The following NCOR2 variants were observed in gnomAD, a reference collection of about 807,000 sequenced individuals.
NCOR2 encodes CTG repeat protein 26.
In NCOR2, 81 loss-of-function variants were observed where a neutral mutation model predicts 262.9. The ratio of observed to expected loss-of-function variants is 0.31; its 90% CI spans 0.26 to 0.37. NCOR2 has a LOEUF of 0.37. NCOR2 is among the 10% of genes least tolerant of loss of function. The probability of loss-of-function intolerance (pLI) is 1.00; values close to 1 mark genes in which losing one functional copy is unlikely to be tolerated. For missense variants in NCOR2, 3,385 were observed against 3,621.4 expected (o/e 0.93, Z 1.68); for synonymous variants, 1,659 against 1,559.3 (o/e 1.06, Z -1.51).
Position 124,487,430 on chromosome 12 carries a change from A to G in NCOR2, c.106-862T>C, listed in dbSNP as rs369380066. On this transcript the variant is annotated intron_variant, in intron 1 of 46. Transcript: ENST00000405201. ...TTAATAACACACCGTCGTCCATTTG[A>G]CAAAGACTCTCCTTGCCCACACCTG... Among the ~76,000 whole-genome samples, 13 of 152,368 alleles carry G rather than the reference A, an allele frequency of 8.5e-5. No homozygotes were observed. The South Asian group carries it at 1.9e-3, about 22-fold the overall frequency.
At chr12:124,551,345 A>T (rs558295218) in intron 1 of NCOR2, among the ~76,000 whole-genome samples, 1 of 152,308 alleles carries the variant, frequency 6.6e-6, no homozygotes, top group East Asian at 1.9e-4. Flanking sequence ...CCCAGTAGCA[A>T]ACAGGAGAGC....
rs1566049959 is a variant in NCOR2 at position 124,548,638 on chromosome 12, T to A, written c.-164-13027A>T. On this transcript the variant is annotated intron_variant, in intron 1 of 32. Transcript: ENST00000458234. The surrounding 1 kb of genome is among the most constrained non-coding windows in gnomAD (Gnocchi z 5.1). ...AATAACAGCATATTATCTTTACTGT[T>A]CCTGTTATTTTTTTCTGTGCTGTTA... Among the ~76,000 whole-genome samples, 1 of 152,114 alleles carries A rather than the reference T, an allele frequency of 6.6e-6. No individual in the cohort carries two copies.
rs1233160781 is a variant in NCOR2, at chr12:124,448,161, G to C, written c.815+1654C>G. The stretch of plus-strand genomic sequence containing the variant: ...ATAAAGATGGGATGAATGAATGAGG[G>C]AATGCCCCAAACAGCCTGGACTCAG... On this transcript the variant is annotated intron_variant, in intron 7 of 46. Coordinates refer to ENST00000405201, the Ensembl canonical transcript of NCOR2. Among the ~76,000 whole-genome samples the C allele has an allele frequency of 2.6e-5, 4 of 152,198 alleles. No homozygotes were observed. The South Asian group carries it at 8.3e-4, about 32-fold the overall frequency.
At chr12:124,370,728 G>A (rs80015478) in intron 20 of NCOR2, among the ~76,000 whole-genome samples, 18,197 of 152,180 alleles carry the variant, frequency 0.12, 1,294 homozygotes, top group Non-Finnish European at 0.14. Context: ...ATGGGTAAAA[G>A]GTGGCATTCT....
chr12:124,434,127 G>A (rs2044194458), intron 8 of NCOR2, among the ~76,000 whole-genome samples: 1 of 152,082 alleles, frequency 6.6e-6, no homozygotes. Flanking sequence ...CTGGTGCTGA[G>A]GATCCCATGA....
intron 1 of NCOR2, among the ~76,000 whole-genome samples, chr12:124,490,463 T>TGGAG (rs76550753): frequency 3.4e-5 from 5 of 149,252 alleles, no homozygotes; most frequent in Non-Finnish European, 5.9e-5. Context: ...GATGGATGGA[T>TGGAG]CTCCCAGCAT....
intron 1 of NCOR2, among the ~76,000 whole-genome samples, chr12:124,500,590 G>A (rs1188474881): frequency 6.6e-6 from 1 of 152,176 alleles, no homozygotes; most frequent in African/African-American, 2.4e-5. Flanking sequence ...CCCAGCGGAG[G>A]TGCATGCCAG....
Position 124,389,130 on chromosome 12 carries a change from G to C in NCOR2, c.1877-3243C>G, listed in dbSNP as rs908104715. Among the ~76,000 whole-genome samples, 2 of 152,244 alleles carry C rather than the reference G, an allele frequency of 1.3e-5. No homozygotes were observed. The highest frequency in any genetic ancestry group is 3.2e-3 in the Middle Eastern group (1 of 316). Reference sequence around the variant, plus strand: ...ATGCCCCTGGGCCAGGTATCACCGGGGCGCAGCGTGCCGAGCTCCTCCAGC... The same window carrying C: ...ATGCCCCTGGGCCAGGTATCACCGGCGCGCAGCGTGCCGAGCTCCTCCAGC... On this transcript the variant is annotated intron_variant, in intron 16 of 46. Coordinates refer to ENST00000405201, the Ensembl canonical transcript of NCOR2. This position sits in a 1 kb window ranked among gnomAD's most constrained non-coding sequence, Gnocchi z 4.4.
Position 124,386,321 on chromosome 12 carries a change from G to A in NCOR2, c.1877-434C>T, listed in dbSNP as rs556970675. 6.6e-5 allele frequency among the ~76,000 whole-genome samples: 10 copies of A among 152,246 alleles called. 1 individual carries two copies. The South Asian group carries it at 1.2e-3, about 19-fold the overall frequency. On this transcript the variant is annotated intron_variant, in intron 16 of 46. Transcript: ENST00000405201. ...CCAGCCCTGACACTCGCTCACAGCT[G>A]CAGGCGAGGCCTCGGGAGACGGGTT...
At chr12:124,365,748 C>T (rs533452564) in intron 20 of NCOR2, among the ~76,000 whole-genome samples, 1 of 151,704 alleles carries the variant, frequency 6.6e-6, no homozygotes, top group South Asian at 2.1e-4. Context: ...CCTGTCCAGA[C>T]CCTGCTTGAT....
At chr12:124,333,421 G>A (rs1036522974) in intron 41 of NCOR2, 142 bp from the exon 44 acceptor site, 4 of 651,912 alleles carry the variant, frequency 6.1e-6, no homozygotes, top group Non-Finnish European at 9.2e-6. Flanking sequence ...TCGACCACAA[G>A]TAATCTCTGG....
intron 22 of NCOR2, among the ~76,000 whole-genome samples, chr12:124,359,073 G>A (rs1258580737): frequency 6.6e-6 from 1 of 152,216 alleles, no homozygotes; most frequent in African/African-American, 2.4e-5. Context: ...TCAGGCCTGG[G>A]GAGATCCTGT....
At chr12:124,567,180 G>T (rs1328650583) in intron 1 of NCOR2, 128 bp downstream of exon 1, 1 of 152,080 alleles carries the variant, frequency 6.6e-6, no homozygotes, top group Non-Finnish European at 1.5e-5. Flanking sequence ...CCCCCCGAGA[G>T]CGCCAACTCG....
rs142648096 is a variant in NCOR2 at position 124,472,546 on chromosome 12, C to T, written c.591+406G>A. ...CACAGAGAAGGGACTGCCCACCCCA[C>T]GTTGCCTGGTACTGGAAGAAACAGG... On this transcript the variant is annotated intron_variant, in intron 4 of 46. Transcript: ENST00000405201. Among the ~76,000 whole-genome samples, 459 of 152,332 alleles carry T rather than the reference C, an allele frequency of 3.0e-3. 2 individuals are homozygous for T. Among genetic ancestry groups the T allele is most frequent in the African/African-American group, 0.01 (434 of 41,566 alleles).
chr12:124,350,737 C>G, exon 28 of NCOR2: 2 of 1,610,144 alleles, frequency 1.2e-6, no homozygotes, highest in Non-Finnish European at 1.7e-6. Flanking sequence ...GCTGGCGTGC[C>G]CTGCAGGTGC....
chr12:124,425,817 T>C (rs2043507865), intron 11 of NCOR2, among the ~76,000 whole-genome samples: 1 of 152,196 alleles, frequency 6.6e-6, no homozygotes. Context: ...GTGTGCATGC[T>C]GTGTGGCCTT....
intron 1 of NCOR2, among the ~76,000 whole-genome samples, chr12:124,488,410 A>G (rs566049068): frequency 6.6e-4 from 101 of 152,310 alleles, no homozygotes; most frequent in African/African-American, 2.4e-3. Context: ...TAACCCTCTG[A>G]GCCTCAGTTT....
chr12:124,366,740 A>C (rs1402092299), intron 20 of NCOR2, among the ~76,000 whole-genome samples: 1 of 151,390 alleles, frequency 6.6e-6, no homozygotes, highest in African/African-American at 2.4e-5. Flanking sequence ...CTGGTCTTGA[A>C]CTCCTGGGCT....
chr12:124,488,908 T>TG (rs1324257610), intron 1 of NCOR2, among the ~76,000 whole-genome samples: 1 of 151,884 alleles, frequency 6.6e-6, no homozygotes, highest in Non-Finnish European at 1.5e-5. Context: ...ATGAACCCTT[T>TG]GGCCTTCGTT....
Sources: gnomAD v4.1 joint callset for allele counts (sites outside exome capture counted in the v4.1 genomes callset) on GRCh38, gnomAD v4.1.1 for gene constraint, Gnocchi (gnomAD v3.1) non-coding constraint, MANE v1.5 for transcripts, NCBI Gene and HGNC (gene_info 2026-07-23, HGNC 2026-07-21) for gene names.